The following APBB1IP variants were observed in gnomAD, a reference collection of about 807,000 sequenced individuals.
The protein encoded by APBB1IP is amyloid beta precursor protein binding family B member 1 interacting protein.
Under a neutral mutation model 64.9 loss-of-function variants are expected in APBB1IP, and 27 were observed. The observed-to-expected ratio is 0.42, with a 90% confidence interval of 0.31 to 0.57. The LOEUF (loss-of-function observed/expected upper bound fraction) is 0.57, where lower values mean the gene tolerates loss of function less well. Among genes scored for constraint, APBB1IP ranks in the 20% least tolerant of loss-of-function variants. The probability of loss-of-function intolerance (pLI) is 0.20; values close to 1 mark genes in which losing one functional copy is unlikely to be tolerated. For synonymous variants in APBB1IP, 392 were observed against 331.0 expected (o/e 1.18, Z -2.00); for missense variants, 812 against 845.5 (o/e 0.96, Z 0.49).
At chr10:26,452,621 T>G (rs375692553) in intron 2 of APBB1IP, among the ~76,000 whole-genome samples, 1 of 152,230 alleles carries the variant, frequency 6.6e-6, no homozygotes, top group African/African-American at 2.4e-5. Context: ...AATGAGATAC[T>G]GTAGGTGTCT....
intron 3 of APBB1IP, among the ~76,000 whole-genome samples, chr10:26,494,211 C>G (rs1039785979): frequency 6.6e-6 from 1 of 152,112 alleles, no homozygotes; most frequent in Non-Finnish European, 1.5e-5. Flanking sequence ...GAAAAAAGCC[C>G]CTGGCATCAA....
intron 4 of APBB1IP, among the ~76,000 whole-genome samples, chr10:26,496,782 AT>A (rs1021261593): frequency 6.6e-6 from 1 of 151,048 alleles, no homozygotes; most frequent in Non-Finnish European, 1.5e-5. Context: ...TAGATACTTC[AT>A]AATATTTTAT....
At chr10:26,512,888 C>T (rs1187650943) in intron 7 of APBB1IP, among the ~76,000 whole-genome samples, 2 of 152,098 alleles carry the variant, frequency 1.3e-5, no homozygotes, top group Non-Finnish European at 2.9e-5. Context: ...CTAAAGCAGT[C>T]CCTTAAATTT....
rs972708810 is a variant in APBB1IP at position 26,548,487 on chromosome 10, G to A, written c.1155+6795G>A. 5.9e-5 allele frequency among the ~76,000 whole-genome samples: 9 copies of A among 151,934 alleles called. No homozygotes were observed. The East Asian group carries it at 7.7e-4, about 13-fold the overall frequency. On this transcript the variant is annotated intron_variant, in intron 11 of 14. Coordinates refer to ENST00000376236, the MANE Select transcript of APBB1IP (RefSeq NM_019043.4). Reference sequence around the variant, plus strand: ...ATTAATTCTTCCAATTTATGAACACGGGATATCTTTCCATTTATATCCTCT... The same window carrying A: ...ATTAATTCTTCCAATTTATGAACACAGGATATCTTTCCATTTATATCCTCT...
At chr10:26,540,516 A>T (rs12253073) in intron 10 of APBB1IP, among the ~76,000 whole-genome samples, 15,856 of 151,936 alleles carry the variant, frequency 0.1, 1,439 homozygotes, top group African/African-American at 0.24. Flanking sequence ...ATATATATAT[A>T]TTTTAAATGT....
At chr10:26,471,859 T>C (rs1564353999) in intron 2 of APBB1IP, among the ~76,000 whole-genome samples, 1 of 152,090 alleles carries the variant, frequency 6.6e-6, no homozygotes, top group African/African-American at 2.4e-5. Context: ...TTATTTTTTA[T>C]ATTTTAGTAG....
At chr10:26,522,213 A>G (rs2132453872) in intron 8 of APBB1IP, among the ~76,000 whole-genome samples, 1 of 152,140 alleles carries the variant, frequency 6.6e-6, no homozygotes, top group African/African-American at 2.4e-5. Context: ...TTTTTTATAG[A>G]CTTTCTTTTC....
intron 8 of APBB1IP, among the ~76,000 whole-genome samples, chr10:26,527,525 A>G (rs987754960): frequency 4.7e-5 from 7 of 150,530 alleles, no homozygotes; most frequent in Admixed American, 1.3e-4. Flanking sequence ...CCTGGGCAAC[A>G]GAGCAATACC....
intron 11 of APBB1IP, among the ~76,000 whole-genome samples, chr10:26,551,635 A>G (rs1333419686): frequency 6.6e-6 from 1 of 152,164 alleles, no homozygotes; most frequent in Non-Finnish European, 1.5e-5. Context: ...GTGGAATGTC[A>G]TGGAAGGAGC....
chr10:26,488,840 G>T (rs191410251), intron 2 of APBB1IP, among the ~76,000 whole-genome samples: 3 of 152,100 alleles, frequency 2.0e-5, no homozygotes, highest in African/African-American at 7.2e-5. Context: ...TCTATACCTG[G>T]GTGCTCACCT....
chr10:26,442,524 T>A (rs1835348671), intron 2 of APBB1IP, among the ~76,000 whole-genome samples: 1 of 152,188 alleles, frequency 6.6e-6, no homozygotes, highest in Non-Finnish European at 1.5e-5. Context: ...ACACAGCAAC[T>A]GTGTTTCCCC....
At chr10:26,462,712 G>T (rs1201260272) in intron 2 of APBB1IP, among the ~76,000 whole-genome samples, 7 of 151,904 alleles carry the variant, frequency 4.6e-5, no homozygotes, top group Non-Finnish European at 8.8e-5. Flanking sequence ...TTTTTTAGTG[G>T]CAACTCATTC....
intron 10 of APBB1IP, among the ~76,000 whole-genome samples, chr10:26,537,217 G>A (rs531076647): frequency 6.6e-6 from 1 of 152,108 alleles, no homozygotes; most frequent in African/African-American, 2.4e-5. Flanking sequence ...GTACGCGGAA[G>A]CATTTTGCCT....
At chr10:26,525,536 G>A (rs906491077) in intron 8 of APBB1IP, among the ~76,000 whole-genome samples, 17 of 152,052 alleles carry the variant, frequency 1.1e-4, no homozygotes, top group Non-Finnish European at 2.4e-4. Flanking sequence ...GGTCTCTTTT[G>A]GGAAAGTGGG....
At chr10:26,499,677 C>T (rs1377028839) in intron 4 of APBB1IP, among the ~76,000 whole-genome samples, 2 of 152,180 alleles carry the variant, frequency 1.3e-5, no homozygotes, top group Non-Finnish European at 2.9e-5. Context: ...ACCACCCCAA[C>T]TACACCACAT....
chr10:26,486,389 C>T (rs1835892031), intron 2 of APBB1IP, among the ~76,000 whole-genome samples: 1 of 152,094 alleles, frequency 6.6e-6, no homozygotes, highest in African/African-American at 2.4e-5. Context: ...CAACAGATTC[C>T]TCGACCGACT....
intron 11 of APBB1IP, among the ~76,000 whole-genome samples, chr10:26,547,575 G>A (rs188115328): frequency 6.6e-6 from 1 of 152,222 alleles, no homozygotes; most frequent in East Asian, 1.9e-4. Context: ...CCGAGTAGCT[G>A]GGATTACAGG....
chr10:26,490,778 G>A (rs1003684568), intron 2 of APBB1IP, among the ~76,000 whole-genome samples: 2 of 152,200 alleles, frequency 1.3e-5, no homozygotes, highest in Non-Finnish European at 2.9e-5. Context: ...GCTGGACAAT[G>A]TGTACATGAA....
At chr10:26,566,388 G>A (rs964196661) in intron 14 of APBB1IP, among the ~76,000 whole-genome samples, 2 of 152,180 alleles carry the variant, frequency 1.3e-5, no homozygotes, top group East Asian at 3.9e-4. Flanking sequence ...CCCAGTAGCC[G>A]GGACTACGGG....
Sources: allele counts gnomAD v4.1 joint callset (sites outside exome capture counted in the v4.1 genomes callset), GRCh38; gene constraint gnomAD v4.1.1; transcripts MANE v1.5; gene names NCBI Gene and HGNC (gene_info 2026-07-23, HGNC 2026-07-21).